Variants in USH2A observed in about 807,000 individuals in gnomAD.
USH2A encodes Usher syndrome 2A (autosomal recessive, mild).
In USH2A, 443 loss-of-function variants were observed where a neutral mutation model predicts 538.9. The observed-to-expected ratio is 0.82, with a 90% CI of 0.76 to 0.89. USH2A has a LOEUF of 0.89. Among genes scored for constraint, USH2A ranks in the 40% least tolerant of loss-of-function variants. The probability of loss-of-function intolerance (pLI) is 0.00; values close to 1 mark genes in which losing one functional copy is unlikely to be tolerated. For synonymous variants in USH2A, 2,413 were observed against 2,273.5 expected (o/e 1.06, Z -1.75); for missense variants, 6,633 against 6,324.8 (o/e 1.05, Z -1.65).
chr1:216,405,985 A>G (rs1247033957), intron 3 of USH2A, among the ~76,000 whole-genome samples: 2 of 152,198 alleles, frequency 1.3e-5, no homozygotes, highest in African/African-American at 4.8e-5. Flanking sequence ...ACCAAATTTT[A>G]GAAATAGAGT....
At chr1:215,924,652 G>GA (rs1666190964) in intron 38 of USH2A, among the ~76,000 whole-genome samples, 5 of 143,118 alleles carry the variant, frequency 3.5e-5, no homozygotes, top group Admixed American at 2.1e-4. Context: ...CGTCTTCGAA[G>GA]AAAAAAAAAG....
chr1:215,647,465 C>G, intron 67 of USH2A, 57 bp downstream of exon 67: 1 of 1,608,488 alleles, frequency 6.2e-7, no homozygotes, highest in Non-Finnish European at 8.5e-7. Flanking sequence ...TCAGGGCAAG[C>G]TTCTCCTGAC....
rs532615312 is a variant in USH2A at position 216,413,927 on chromosome 1, T to A, written c.651+4587A>T. Among the ~76,000 whole-genome samples the A allele has an allele frequency of 7.2e-5, 11 of 152,280 alleles. No homozygotes were observed. The South Asian group carries it at 2.1e-3, about 29-fold the overall frequency. ...GTGTGGAACTGCTTAAGGCAAAATA[T>A]ATTGTCAAAGAAAACCCTAAAGTTT... is the stretch of plus-strand genomic sequence containing the variant. On this transcript the variant is annotated intron_variant, in intron 3 of 71. Coordinates refer to ENST00000307340, the MANE Select transcript of USH2A (RefSeq NM_206933.4).
In USH2A at chr1:216,084,678, T is replaced by C. The variant is rs756960523; in HGVS notation, c.5167+20A>G. On this transcript the variant is annotated intron_variant, in intron 25 of 71. Coordinates refer to ENST00000307340, the MANE Select transcript of USH2A (RefSeq NM_206933.4). Reference sequence around the variant, plus strand: ...AACATAGATTTTAAGTGAACACTCATGTCTTTTTTAGAGCATTACCTGCTC... The same window carrying C: ...AACATAGATTTTAAGTGAACACTCACGTCTTTTTTAGAGCATTACCTGCTC... 1.9e-6 allele frequency: 3 copies of C among 1,611,582 alleles called. No individual in the cohort carries two copies. Among genetic ancestry groups the C allele is most frequent in the East Asian group, 2.2e-5 (1 of 44,834 alleles).
At chr1:215,919,325 C>T (rs916055068) in intron 38 of USH2A, among the ~76,000 whole-genome samples, 1 of 152,194 alleles carries the variant, frequency 6.6e-6, no homozygotes, top group Admixed American at 6.6e-5. Context: ...TACTGCATCA[C>T]GTTGTATCTA....
chr1:216,361,115 A>G (rs759362576), intron 4 of USH2A, among the ~76,000 whole-genome samples: 11 of 152,164 alleles, frequency 7.2e-5, no homozygotes, highest in Non-Finnish European at 1.5e-4. Context: ...ACATATACAG[A>G]GACCTGATTC....
chr1:216,243,233 A>G (rs1431778424), intron 13 of USH2A, among the ~76,000 whole-genome samples: 2 of 152,198 alleles, frequency 1.3e-5, no homozygotes, highest in Non-Finnish European at 2.9e-5. Context: ...GATTTTGTGC[A>G]TATATTTCCT....
intron 35 of USH2A, among the ~76,000 whole-genome samples, chr1:215,986,222 C>A (rs543355272): frequency 6.6e-6 from 1 of 152,006 alleles, no homozygotes; most frequent in African/African-American, 2.4e-5. Flanking sequence ...CACGTTCAAG[C>A]GATTCTCATG....
intron 38 of USH2A, among the ~76,000 whole-genome samples, chr1:215,921,034 G>T (rs930183078): frequency 6.6e-6 from 1 of 151,958 alleles, no homozygotes; most frequent in African/African-American, 2.4e-5. Context: ...AGTACAGGAA[G>T]AAAAAGATTC....
At chr1:215,651,468 G>T (rs921027654) in intron 64 of USH2A, among the ~76,000 whole-genome samples, 1 of 152,172 alleles carries the variant, frequency 6.6e-6, no homozygotes, top group East Asian at 1.9e-4. Context: ...GGCAATACAA[G>T]AAGACTGTCT....
chr1:216,185,059 C>T (rs190514658), intron 20 of USH2A, among the ~76,000 whole-genome samples: 82 of 151,938 alleles, frequency 5.4e-4, no homozygotes, highest in African/African-American at 1.9e-3. Context: ...ACAAATTTCT[C>T]GGATTAAAAG....
intron 50 of USH2A, among the ~76,000 whole-genome samples, 185 bp downstream of exon 50, chr1:215,798,722 A>T (rs1409976887): frequency 6.6e-6 from 1 of 152,228 alleles, no homozygotes; most frequent in Non-Finnish European, 1.5e-5. Context: ...TATGAAATAC[A>T]TGAGATACAT....
intron 9 of USH2A, among the ~76,000 whole-genome samples, chr1:216,309,814 T>C (rs1056116434): frequency 6.6e-6 from 1 of 152,174 alleles, no homozygotes; most frequent in African/African-American, 2.4e-5. Flanking sequence ...TTGTAATTTT[T>C]CCCCTTTAGC....
chr1:215,996,963 G>A (rs1477562190), intron 34 of USH2A, among the ~76,000 whole-genome samples: 2 of 151,946 alleles, frequency 1.3e-5, no homozygotes, highest in African/African-American at 4.8e-5. Flanking sequence ...TTTATGTTTT[G>A]TTTTCCAGCT....
chr1:216,066,020 T>C (rs939018374), intron 30 of USH2A, among the ~76,000 whole-genome samples: 2 of 152,132 alleles, frequency 1.3e-5, no homozygotes, highest in African/African-American at 2.4e-5. Flanking sequence ...ATCACATAAA[T>C]ACAAACTAAA....
intron 49 of USH2A, among the ~76,000 whole-genome samples, chr1:215,807,063 A>AG (rs1435734137): frequency 3.9e-5 from 6 of 152,082 alleles, no homozygotes; most frequent in Non-Finnish European, 7.4e-5. Flanking sequence ...TACATGGCAA[A>AG]GGGGAATGAA....
At chr1:215,900,488 A>G (rs1038069137) in intron 39 of USH2A, among the ~76,000 whole-genome samples, 2 of 152,228 alleles carry the variant, frequency 1.3e-5, no homozygotes, top group African/African-American at 2.4e-5. Flanking sequence ...GCGACAGTTC[A>G]GACATCATTT....
intron 60 of USH2A, among the ~76,000 whole-genome samples, chr1:215,737,204 C>T (rs145664800): frequency 2.0e-5 from 3 of 151,606 alleles, no homozygotes; most frequent in Admixed American, 6.6e-5. Flanking sequence ...ACAATATGGG[C>T]AATATAATTC....
chr1:216,420,557 C>T (rs1019801030), intron 2 of USH2A, among the ~76,000 whole-genome samples: 2 of 152,052 alleles, frequency 1.3e-5, no homozygotes, highest in African/African-American at 4.8e-5. Context: ...CCATGTTCTT[C>T]CAACCCTGTA....
Sources: allele counts gnomAD v4.1 joint callset (sites outside exome capture counted in the v4.1 genomes callset), GRCh38; gene constraint gnomAD v4.1.1; transcripts MANE v1.5; gene names NCBI Gene and HGNC (gene_info 2026-07-23, HGNC 2026-07-21).